Variants in PIWIL3 observed in about 807,000 individuals in gnomAD.
PIWIL3 encodes piwi like RNA-mediated gene silencing 3, also known as piwi-like protein 3.
In PIWIL3, 101 loss-of-function variants were observed where a neutral mutation model predicts 109.7. The ratio of observed to expected loss-of-function variants is 0.92; its 90% CI spans 0.78 to 1.09. The LOEUF (loss-of-function observed/expected upper bound fraction) is 1.09, where lower values mean the gene tolerates loss of function less well. Among genes scored for constraint, PIWIL3 ranks in the 50% least tolerant of loss-of-function variants. PIWIL3 has a pLI of 0.00. For missense variants in PIWIL3, 1,031 were observed against 1,072.6 expected (o/e 0.96, Z 0.54); for synonymous variants, 373 against 376.4 (o/e 0.99, Z 0.10).
At chr22:24,735,264 T>TG (rs1334938223) in intron 13 of PIWIL3, among the ~76,000 whole-genome samples, 1 of 152,142 alleles carries the variant, frequency 6.6e-6, no homozygotes, top group Non-Finnish European at 1.5e-5. Context: ...CTATGGACTT[T>TG]GGGTGATTAT....
chr22:24,754,007 GACTT>G lies in PIWIL3; in HGVS notation c.977+3_977+6del, dbSNP rs1569107549. 6.3e-7 allele frequency: 1 copy of G among 1,589,230 alleles called. No individual in the cohort carries two copies. The highest frequency in any genetic ancestry group is 1.7e-5 in the Admixed American group (1 of 59,958). On this transcript the variant is annotated splice_donor_5th_base_variant and intron_variant, in intron 8 of 20. Coordinates refer to ENST00000616349, the MANE Select transcript of PIWIL3 (RefSeq NM_001255975.1). ...TGATTGGATAGGTTTTTAAAAGACAGACTTACTTTGTCAGAACAATTGATCCAAT... is the reference window on the plus strand; with the variant it reads ...TGATTGGATAGGTTTTTAAAAGACAGACTTTGTCAGAACAATTGATCCAAT...
chr22:24,724,069 G>A (rs1365076408), intron 18 of PIWIL3, among the ~76,000 whole-genome samples: 1 of 152,144 alleles, frequency 6.6e-6, no homozygotes, highest in Non-Finnish European at 1.5e-5. Flanking sequence ...ACTTTGTGGT[G>A]GAAGCGGTCT....
chr22:24,723,328 T>C (rs1399523419), intron 18 of PIWIL3, 73 bp from the exon 19 acceptor site: 1 of 1,473,044 alleles, frequency 6.8e-7, no homozygotes, highest in East Asian at 2.3e-5. Flanking sequence ...TATTGAAACA[T>C]CTGCTTTACA....
At chr22:24,768,939 G>A (rs546731133) in intron 1 of PIWIL3, among the ~76,000 whole-genome samples, 2 of 152,298 alleles carry the variant, frequency 1.3e-5, no homozygotes, top group East Asian at 1.9e-4. Flanking sequence ...ATCTGTGGAA[G>A]GCTCATTTTT....
Position 24,759,857 on chromosome 22 carries a change from G to GCTTC in PIWIL3, c.223+8_223+11dup. On this transcript the variant is annotated intron_variant, in intron 3 of 20. Transcript: ENST00000616349. Reference sequence around the variant, plus strand: ...ATCCCCTGCCCCTCATGTCCTTCTTGCTTCCTTTCACCTTGAGACTGTGCT... The same window carrying GCTTC: ...ATCCCCTGCCCCTCATGTCCTTCTTGCTTCCTTCCTTTCACCTTGAGACTGTGCT... 1.2e-6 allele frequency: 2 copies of GCTTC among 1,613,896 alleles called. No individual in the cohort carries two copies. The highest frequency in any genetic ancestry group is 1.7e-6 in the Non-Finnish European group (2 of 1,179,906).
At chr22:24,743,527 C>G (rs1178486132) in intron 12 of PIWIL3, among the ~76,000 whole-genome samples, 1 of 152,136 alleles carries the variant, frequency 6.6e-6, no homozygotes, top group Non-Finnish European at 1.5e-5. Flanking sequence ...TTTGCAGCAA[C>G]CTGGAGTTGG....
At chr22:24,727,861 C>T (rs1467608383) in intron 16 of PIWIL3, 89 bp downstream of exon 16, 2 of 1,055,528 alleles carry the variant, frequency 1.9e-6, no homozygotes, top group Non-Finnish European at 2.8e-6. Flanking sequence ...TTCCCAACCT[C>T]TTGAGTTAAC....
chr22:24,773,970 C>T (rs1195489756), intron 1 of PIWIL3, among the ~76,000 whole-genome samples: 2 of 152,094 alleles, frequency 1.3e-5, no homozygotes, highest in Admixed American at 1.3e-4. Context: ...GCCTCAGCCT[C>T]CCAAAGTGCT....
At chr22:24,734,556 A>G (rs1923544922) in intron 13 of PIWIL3, among the ~76,000 whole-genome samples, 1 of 152,192 alleles carries the variant, frequency 6.6e-6, no homozygotes, top group Non-Finnish European at 1.5e-5. Context: ...GACCACCTGA[A>G]CTGTAACTGA....
At chr22:24,738,976 CAG>C (rs113731083) in intron 12 of PIWIL3, among the ~76,000 whole-genome samples, 91 of 152,126 alleles carry the variant, frequency 6.0e-4, no homozygotes, top group African/African-American at 2.1e-3. Context: ...TTCAAGATAA[CAG>C]AAAGAATTGG....
intron 1 of PIWIL3, among the ~76,000 whole-genome samples, chr22:24,770,510 G>A (rs1346485488): frequency 6.6e-6 from 1 of 151,814 alleles, no homozygotes; most frequent in East Asian, 1.9e-4. Flanking sequence ...AGAAATTCCA[G>A]GGGAGGCTAA....
chr22:24,755,778 A>G lies in PIWIL3; in HGVS notation c.692+6T>C. ...GTATCAAAGAAACTCAACCCCGGTA[A>G]CATACCTTCTAAAGAGAATGTTGTA... is the stretch of plus-strand genomic sequence containing the variant. On this transcript the variant is annotated splice_donor_region_variant and intron_variant, in intron 6 of 20. Coordinates refer to ENST00000616349, the MANE Select transcript of PIWIL3 (RefSeq NM_001255975.1). 3.7e-6 allele frequency: 6 copies of G among 1,613,998 alleles called. No homozygotes were observed. The highest frequency in any genetic ancestry group is 5.1e-6 in the Non-Finnish European group (6 of 1,179,882).
chr22:24,765,857 G>A (rs1215035216), intron 1 of PIWIL3, among the ~76,000 whole-genome samples: 1 of 151,530 alleles, frequency 6.6e-6, no homozygotes, highest in Non-Finnish European at 1.5e-5. Flanking sequence ...AAAAAATGGG[G>A]AAAAAAAGCA....
intron 3 of PIWIL3, 101 bp downstream of exon 3, chr22:24,759,768 C>T: frequency 4.5e-6 from 7 of 1,544,186 alleles, no homozygotes; most frequent in Non-Finnish European, 6.2e-6. Flanking sequence ...CCCACCAAAC[C>T]TCACGGGAGT....
chr22:24,750,491 CT>C (rs1202112452), intron 9 of PIWIL3, among the ~76,000 whole-genome samples: 47 of 98,412 alleles, frequency 4.8e-4, no homozygotes, highest in Admixed American at 6.2e-4. Flanking sequence ...GATTTTTTTT[CT>C]TTTTTTTTTT....
Position 24,767,066 on chromosome 22 carries a change from G to C in PIWIL3, c.-22-4545C>G, listed in dbSNP as rs111646034. 6.6e-3 allele frequency among the ~76,000 whole-genome samples: 1,010 copies of C among 152,140 alleles called. 14 individuals are homozygous for C. Among genetic ancestry groups the C allele is most frequent in the African/African-American group, 0.023 (953 of 41,490 alleles). ...GAGGACAGGAGGATCGCTTGAGCCT[G>C]GGAGTTCAAGGCTGCAGTGGACTAT... On this transcript the variant is annotated intron_variant, in intron 1 of 20. Transcript: ENST00000616349.
chr22:24,750,734 C>T (rs1445791360), intron 9 of PIWIL3, among the ~76,000 whole-genome samples: 2 of 150,248 alleles, frequency 1.3e-5, no homozygotes, highest in African/African-American at 4.9e-5. Flanking sequence ...GTGATCCGCC[C>T]TCCTTGGCCT....
chr22:24,759,721 CAA>C, intron 3 of PIWIL3, 146 bp downstream of exon 3: 1 of 1,201,330 alleles, frequency 8.3e-7, no homozygotes, highest in Non-Finnish European at 1.2e-6. Flanking sequence ...ATTCACTGCA[CAA>C]AGAGAGACAG....
At chr22:24,752,040 G>C (rs886873740) in intron 8 of PIWIL3, among the ~76,000 whole-genome samples, 2 of 152,062 alleles carry the variant, frequency 1.3e-5, no homozygotes, top group African/African-American at 4.8e-5. Flanking sequence ...GAACATTTAT[G>C]TGCCGATTTT....
Sources: allele counts gnomAD v4.1 joint callset (sites outside exome capture counted in the v4.1 genomes callset), GRCh38; gene constraint gnomAD v4.1.1; transcripts MANE v1.5; gene names NCBI Gene and HGNC (gene_info 2026-07-23, HGNC 2026-07-21).